Variants in FOXP1 observed in about 807,000 individuals in gnomAD.
FOXP1 encodes forkhead box P1, also known as forkhead box protein P1.
FOXP1 carries 15 observed loss-of-function variants against 98.2 expected under a neutral mutation model. The ratio of observed to expected loss-of-function variants is 0.15; its 90% CI spans 0.10 to 0.24. The LOEUF (loss-of-function observed/expected upper bound fraction) is 0.24. Among genes scored for constraint, FOXP1 ranks in the 10% least tolerant of loss-of-function variants. The pLI, the probability that FOXP1 is intolerant of heterozygous loss-of-function variation, is 1.00. For synonymous variants in FOXP1, 371 were observed against 314.5 expected (o/e 1.18, Z -1.90); for missense variants, 633 against 848.5 (o/e 0.75, Z 3.15).
chr3:71,373,571 C>T (rs2108000122), intron 3 of FOXP1, among the ~76,000 whole-genome samples: 1 of 152,280 alleles, frequency 6.6e-6, no homozygotes, highest in East Asian at 1.9e-4. Flanking sequence ...CATTAAAATG[C>T]ACTAAGCTTC....
At chr3:71,298,020 G>GATT (rs2073489908) in intron 5 of FOXP1, among the ~76,000 whole-genome samples, 1 of 152,166 alleles carries the variant, frequency 6.6e-6, no homozygotes, top group Non-Finnish European at 1.5e-5. Flanking sequence ...CACTCTGTGA[G>GATT]ATTATAGAGA....
intron 13 of FOXP1, among the ~76,000 whole-genome samples, chr3:70,999,778 C>T (rs539269970): frequency 5.9e-5 from 9 of 152,358 alleles, no homozygotes; most frequent in African/African-American, 2.2e-4. Flanking sequence ...CTGTAAATGA[C>T]TTAACTCAGT....
At chr3:71,210,628 A>C (rs1359432131) in intron 5 of FOXP1, among the ~76,000 whole-genome samples, 1 of 152,232 alleles carries the variant, frequency 6.6e-6, no homozygotes, top group Admixed American at 6.5e-5. Context: ...CTGCTGGAAC[A>C]ACTAACAGAG....
At chr3:71,129,353 T>A (rs1479735389) in intron 6 of FOXP1, among the ~76,000 whole-genome samples, 2 of 152,098 alleles carry the variant, frequency 1.3e-5, no homozygotes, top group African/African-American at 4.8e-5. Context: ...TACACACACA[T>A]GCACACACAC....
intron 5 of FOXP1, among the ~76,000 whole-genome samples, chr3:71,236,284 CT>C (rs1192229717): frequency 2.2e-4 from 34 of 152,302 alleles, no homozygotes; most frequent in African/African-American, 7.7e-4. Context: ...AAGGGATTAC[CT>C]CTTTAGTGTT....
At chr3:71,040,381 A>ACCT (rs2106850332) in intron 11 of FOXP1, 1 of 152,182 alleles carries the variant, frequency 6.6e-6, no homozygotes, top group East Asian at 1.9e-4. Flanking sequence ...CGGTTTCTTT[A>ACCT]CCTCTGTGTG....
At chr3:71,244,579 A>G (rs2067567090) in intron 5 of FOXP1, among the ~76,000 whole-genome samples, 1 of 152,124 alleles carries the variant, frequency 6.6e-6, no homozygotes, top group Admixed American at 6.5e-5. Context: ...AACAGCAGGA[A>G]AAGGCTTCTA....
At chr3:71,134,110 C>T (rs72949361) in intron 6 of FOXP1, among the ~76,000 whole-genome samples, 3,260 of 152,252 alleles carry the variant, frequency 0.021, 130 homozygotes, top group African/African-American at 0.075. Flanking sequence ...CCCGCTCACA[C>T]TGGTGCTTCA....
At chr3:71,212,398 T>C (rs977635842) in intron 5 of FOXP1, among the ~76,000 whole-genome samples, 1 of 152,168 alleles carries the variant, frequency 6.6e-6, no homozygotes, top group Non-Finnish European at 1.5e-5. Flanking sequence ...ACTGAGGGGC[T>C]ACATGGACAC....
At chr3:71,321,121 C>CAAAAA (rs11293559) in intron 4 of FOXP1, among the ~76,000 whole-genome samples, 2 of 121,996 alleles carry the variant, frequency 1.6e-5, no homozygotes, top group South Asian at 2.7e-4. Flanking sequence ...TAGACTGTAC[C>CAAAAA]AAAAAAAAAA....
In FOXP1 at chr3:71,041,398, T is replaced by C; in HGVS notation, c.799A>G (p.Thr267Ala). The change falls in exon 11 of 21, where the codon ACC (threonine) becomes GCC (alanine). Residue 267 changes from threonine (T) to alanine (A), a missense_variant. By Grantham distance (58) the Thr-to-Ala change is moderately conservative. Around this residue, in one of 6 missense-constraint regions of FOXP1, gnomAD observed 210 missense variants for 270.6 expected, o/e 0.78. Transcript: ENST00000649528. The part of the protein sequence containing the change: ...TCVSSSAPSK[T>A]SLIMNPHAST... ...GCATGTGGGTTCATTATTAAGGAGG[T>C]CTTGGAAGGTGCAGAGGAGGAGACA... 2 of 1,613,612 alleles carry C rather than the reference T, an allele frequency of 1.2e-6. No individual in the cohort carries two copies. Among genetic ancestry groups the C allele is most frequent in the Non-Finnish European group, 1.7e-6 (2 of 1,179,798 alleles).
intron 6 of FOXP1, among the ~76,000 whole-genome samples, chr3:71,159,221 G>A (rs79707749): frequency 0.011 from 1,646 of 151,670 alleles, 18 homozygotes; most frequent in Non-Finnish European, 0.016. Flanking sequence ...CTGATTTCAC[G>A]TTTTTAGAAA....
intron 3 of FOXP1, among the ~76,000 whole-genome samples, chr3:71,369,384 C>T (rs978768931): frequency 3.9e-5 from 6 of 151,984 alleles, no homozygotes; most frequent in Admixed American, 2.6e-4. Context: ...AACGAGACTC[C>T]GTCTCAAAAA....
chr3:71,571,411 C>T lies in FOXP1; in HGVS notation c.-298+10138G>A, dbSNP rs527368945. 21 of 152,298 alleles carry T rather than the reference C, an allele frequency of 1.4e-4. No individual in the cohort carries two copies. In the South Asian group the frequency reaches 3.5e-3, roughly 26 times the overall value. The allele number at this position is 152,298 out of a possible 1,614,324, so 9.4% of individuals were successfully genotyped here. A position where few individuals can be genotyped will look rare whatever the true frequency, so the allele number is the denominator to read the frequency against. The stretch of plus-strand genomic sequence containing the variant: ...AACATTGCCCCTTTGTTATCATTTT[C>T]CCCATTCTTCAGGGAAACACTATCT... On this transcript the variant is annotated intron_variant, in intron 2 of 20. Transcript: ENST00000649528.
chr3:71,042,369 T>A (rs1043658985), intron 10 of FOXP1, among the ~76,000 whole-genome samples: 5 of 152,156 alleles, frequency 3.3e-5, no homozygotes, highest in Non-Finnish European at 5.9e-5. Flanking sequence ...ATACAATCAG[T>A]ATGCCAATCT....
At chr3:71,041,598 T>G in intron 10 of FOXP1, 66 bp from the exon 11 acceptor site, 1 of 1,470,856 alleles carries the variant, frequency 6.8e-7, no homozygotes, top group Non-Finnish European at 9.5e-7. Context: ...AAACAGCAAT[T>G]AAATCAAAGA....
chr3:71,403,423 A>G (rs766001901), intron 3 of FOXP1, among the ~76,000 whole-genome samples: 11 of 152,258 alleles, frequency 7.2e-5, no homozygotes, highest in Non-Finnish European at 1.3e-4. Flanking sequence ...CAGAAAAACA[A>G]GGGAACTGTT....
At chr3:71,497,593 T>C (rs6789751) in intron 2 of FOXP1, among the ~76,000 whole-genome samples, 36,971 of 152,122 alleles carry the variant, frequency 0.24, 5,374 homozygotes, top group Non-Finnish European at 0.33. Context: ...CCACCCTCCA[T>C]AGTCCAGAGA....
intron 11 of FOXP1, among the ~76,000 whole-genome samples, chr3:71,022,139 A>G (rs2045531300): frequency 1.3e-5 from 2 of 152,158 alleles, no homozygotes; most frequent in African/African-American, 4.8e-5. Context: ...TGCATATGAT[A>G]TGAGTCAGGG....
Sources: gnomAD v4.1 joint callset for allele counts (sites outside exome capture counted in the v4.1 genomes callset) on GRCh38, gnomAD v4.1.1 for gene constraint, gnomAD v4.1.1 regional missense constraint, MANE v1.5 for transcripts, NCBI Gene and HGNC (gene_info 2026-07-23, HGNC 2026-07-21) for gene names.